MUSK: variants seen among roughly 807,000 people sequenced by gnomAD.
MUSK encodes muscle, skeletal receptor tyrosine-protein kinase.
A neutral mutation model predicts 88.7 loss-of-function variants in MUSK; 55 were observed. The ratio of observed to expected loss-of-function variants is 0.62; its 90% CI spans 0.50 to 0.78. The LOEUF is 0.78. Ranked by LOEUF, MUSK falls within the 30% of genes least tolerant of loss-of-function variation. The pLI, the probability that MUSK is intolerant of heterozygous loss-of-function variation, is 0.00. For synonymous variants in MUSK, 387 were observed against 391.9 expected, an observed-to-expected ratio of 0.99 and a Z score of 0.15; for missense variants, 1,015 against 1,074.3, an observed-to-expected ratio of 0.94 and a Z score of 0.77.
At chr9:110,791,068 G>A (rs2077966448) in intron 14 of MUSK, among the ~76,000 whole-genome samples, 1 of 152,204 alleles carries the variant, frequency 6.6e-6, no homozygotes. Context: ...ATCATTAAAA[G>A]GGGGTAGGAT....
Position 110,785,523 on chromosome 9 carries a change from G to A in MUSK, c.1587-4G>A. On this transcript the variant is annotated splice_polypyrimidine_tract_variant and splice_region_variant and intron_variant, in intron 12 of 14. Transcript: ENST00000374448. ...ATTCCTGATCTTGCCTGTCTTGCCT[G>A]CAGAGAATCAGCAGCAGTAACCCTC... The A allele has an allele frequency of 6.3e-7, 1 of 1,594,852 alleles. No homozygotes were observed. Among genetic ancestry groups the A allele is most frequent in the Non-Finnish European group, 8.6e-7 (1 of 1,168,938 alleles).
Position 110,669,496 on chromosome 9 carries a change from G to A in MUSK, c.79+513G>A, listed in dbSNP as rs375474604. On this transcript the variant is annotated intron_variant, in intron 1 of 14. Transcript: ENST00000374448. ...AAATACAGAAAGACGTACACAATTTGCCTGTGTAACAAACCCGGAAGACAA... is the reference window on the plus strand; with the variant it reads ...AAATACAGAAAGACGTACACAATTTACCTGTGTAACAAACCCGGAAGACAA... Among the ~76,000 whole-genome samples the A allele has an allele frequency of 3.9e-5, 6 of 152,236 alleles. No individual in the cohort carries two copies. The East Asian group carries it at 1.2e-3, about 29-fold the overall frequency.
At chr9:110,692,918 C>A (rs189583985) in intron 3 of MUSK, among the ~76,000 whole-genome samples, 20 of 151,520 alleles carry the variant, frequency 1.3e-4, no homozygotes, top group Non-Finnish European at 2.4e-4. Flanking sequence ...TCAAATTGAT[C>A]TTTTATTTTT....
At chr9:110,723,085 G>A (rs550258312) in intron 5 of MUSK, among the ~76,000 whole-genome samples, 1 of 152,180 alleles carries the variant, frequency 6.6e-6, no homozygotes, top group Non-Finnish European at 1.5e-5. Context: ...GCACATGCAT[G>A]TTCATAGCAG....
chr9:110,759,881 C>A (rs2077373894), intron 7 of MUSK, among the ~76,000 whole-genome samples: 1 of 152,008 alleles, frequency 6.6e-6, no homozygotes, highest in South Asian at 2.1e-4. Flanking sequence ...ACTAGAAATC[C>A]AAAAGTTAGC....
At position 110,781,483 on chromosome 9, in the gene MUSK, A is replaced by G. The variant is rs539606066; in HGVS notation, c.1385-3332A>G. Among the ~76,000 whole-genome samples, 9 of 152,184 alleles carry G rather than the reference A, an allele frequency of 5.9e-5. No homozygotes were observed. In the South Asian group the frequency reaches 8.3e-4, roughly 14 times the overall value. On this transcript the variant is annotated intron_variant, in intron 11 of 14. Transcript: ENST00000374448. ...AGTAGAGATGGGGATTCACCGTGTT[A>G]GCCAGGATGGTCTCGATCTCCTGAC... is the stretch of plus-strand genomic sequence containing the variant.
At chr9:110,684,703 T>C (rs2076172518) in intron 2 of MUSK, among the ~76,000 whole-genome samples, 1 of 152,082 alleles carries the variant, frequency 6.6e-6, no homozygotes, top group African/African-American at 2.4e-5. Flanking sequence ...ACTTCTTTGA[T>C]TAATTCCTAG....
At chr9:110,771,918 T>C (rs1222225338) in intron 9 of MUSK, among the ~76,000 whole-genome samples, 2 of 152,128 alleles carry the variant, frequency 1.3e-5, no homozygotes, top group Non-Finnish European at 2.9e-5. Context: ...AAATCATTAA[T>C]CCTTGCCAAC....
intron 7 of MUSK, among the ~76,000 whole-genome samples, chr9:110,760,275 G>A (rs2077379350): frequency 6.6e-6 from 1 of 152,132 alleles, no homozygotes; most frequent in Non-Finnish European, 1.5e-5. Context: ...GTTCGTTGCA[G>A]CACTATTCAT....
intron 2 of MUSK, among the ~76,000 whole-genome samples, chr9:110,683,356 A>G (rs917379806): frequency 1.3e-5 from 2 of 152,102 alleles, no homozygotes; most frequent in African/African-American, 4.8e-5. Context: ...TATATGTACC[A>G]CATTTTCTTT....
intron 1 of MUSK, among the ~76,000 whole-genome samples, chr9:110,671,050 C>T (rs1293435779): frequency 6.6e-6 from 1 of 152,134 alleles, no homozygotes; most frequent in Non-Finnish European, 1.5e-5. Context: ...CAGCTCACTG[C>T]AACCTCCTCC....
intron 7 of MUSK, among the ~76,000 whole-genome samples, chr9:110,751,291 G>A (rs138233995): frequency 9.9e-5 from 15 of 152,226 alleles, no homozygotes; most frequent in African/African-American, 3.4e-4. Context: ...TTAAAAAAAC[G>A]GCATCTTCCA....
At chr9:110,731,152 A>G (rs986953627) in intron 5 of MUSK, among the ~76,000 whole-genome samples, 1 of 152,110 alleles carries the variant, frequency 6.6e-6, no homozygotes, top group Non-Finnish European at 1.5e-5. Flanking sequence ...TATATATACC[A>G]TGCAGGGTTC....
chr9:110,703,571 G>C (rs1271008133), intron 5 of MUSK, among the ~76,000 whole-genome samples: 2 of 151,358 alleles, frequency 1.3e-5, no homozygotes, highest in African/African-American at 2.4e-5. Flanking sequence ...GAAGACAGGC[G>C]GTTTTGATAA....
intron 6 of MUSK, among the ~76,000 whole-genome samples, chr9:110,747,413 C>G (rs2077186789): frequency 1.3e-5 from 2 of 152,184 alleles, no homozygotes; most frequent in African/African-American, 4.8e-5. Context: ...AAACACATCA[C>G]AAGGCTAATC....
intron 7 of MUSK, among the ~76,000 whole-genome samples, chr9:110,754,165 A>T (rs1399026583): frequency 6.6e-6 from 1 of 152,222 alleles, no homozygotes; most frequent in African/African-American, 2.4e-5. Context: ...AATAAAAGGG[A>T]AAAGGATAAA....
chr9:110,785,749 T>C (rs1274690547), intron 13 of MUSK, 31 bp downstream of exon 13: 4 of 1,547,468 alleles, frequency 2.6e-6, no homozygotes, highest in Admixed American at 1.9e-5. Flanking sequence ...AAAAACTCCA[T>C]TGAAATATGT....
chr9:110,716,323 ACTT>A lies in MUSK; in HGVS notation c.629-17924_629-17922del, dbSNP rs758254547. ...ATTTTTACATCTCTTTTTGATACAC[ACTT>A]CTTATTTTCTAAAATTTTCACAAAT... On this transcript the variant is annotated intron_variant, in intron 5 of 14. Transcript: ENST00000374448. Among the ~76,000 whole-genome samples, 40 of 149,992 alleles carry A rather than the reference ACTT, an allele frequency of 2.7e-4. 2 individuals are homozygous for A. The highest frequency in any genetic ancestry group is 5.3e-4 in the Admixed American group (8 of 15,172).
intron 1 of MUSK, among the ~76,000 whole-genome samples, chr9:110,669,546 G>A (rs1306337988): frequency 6.6e-6 from 1 of 152,144 alleles, no homozygotes. Context: ...CTTTGAGGCT[G>A]GAGTCATGAT....
Sources: gnomAD v4.1 joint callset for allele counts (sites outside exome capture counted in the v4.1 genomes callset) on GRCh38, gnomAD v4.1.1 for gene constraint, MANE v1.5 for transcripts, NCBI Gene and HGNC (gene_info 2026-07-23, HGNC 2026-07-21) for gene names.